BTBD2: variants seen among roughly 807,000 people sequenced by gnomAD.
The protein encoded by BTBD2 is BTB domain containing 2.
A neutral mutation model predicts 44.0 loss-of-function variants in BTBD2; 15 were observed. That is an observed-to-expected ratio of 0.34 (90% confidence interval 0.23 to 0.53). The LOEUF is 0.53. Ranked by LOEUF, BTBD2 falls within the 20% of genes least tolerant of loss-of-function variation. The pLI is 0.95. For synonymous variants in BTBD2, 443 were observed against 335.9 expected (o/e 1.32, Z -3.49); for missense variants, 657 against 746.4 (o/e 0.88, Z 1.39).
At chr19:2,000,829 T>C (rs34101602) in intron 1 of BTBD2, among the ~76,000 whole-genome samples, 29,247 of 152,110 alleles carry the variant, frequency 0.19, 3,153 homozygotes, top group East Asian at 0.31. Context: ...ACCCACGCAC[T>C]GGAACACGAC....
chr19:2,008,740 C>T (rs899335173), intron 1 of BTBD2, among the ~76,000 whole-genome samples: 3 of 151,732 alleles, frequency 2.0e-5, no homozygotes, highest in Admixed American at 6.6e-5. Context: ...CACAGGCACA[C>T]ACCACCATGT....
rs181084230 is a variant in BTBD2, at chr19:2,008,324, G to A, written c.407+6973C>T. ...CACTCTTTTTTTTTTTTTCTAGGTGGAGTCTCGCTGTGTTGCCCAAGCTGG... is the reference window on the plus strand; with the variant it reads ...CACTCTTTTTTTTTTTTTCTAGGTGAAGTCTCGCTGTGTTGCCCAAGCTGG... On this transcript the variant is annotated intron_variant, in intron 1 of 8. Coordinates refer to ENST00000255608, the MANE Select transcript of BTBD2 (RefSeq NM_017797.4). 2.9e-3 allele frequency among the ~76,000 whole-genome samples: 412 copies of A among 143,610 alleles called. 6 individuals are homozygous for A. The highest frequency in any genetic ancestry group is 0.011 in the African/African-American group (397 of 37,772). The allele number at this position is 143,610 out of a possible 152,430, so 94.2% of individuals were successfully genotyped here.
intron 5 of BTBD2, chr19:1,988,515 G>T (rs1156282938): frequency 1.3e-5 from 2 of 152,266 alleles, no homozygotes; most frequent in African/African-American, 4.8e-5. Flanking sequence ...GACCATTATG[G>T]GTTAAGTGAA....
intron 1 of BTBD2, among the ~76,000 whole-genome samples, chr19:2,009,900 T>C (rs560134883): frequency 3.3e-5 from 5 of 151,434 alleles, no homozygotes; most frequent in Non-Finnish European, 7.4e-5. Flanking sequence ...ACGCCTGTAA[T>C]CCCAGCACTT....
chr19:1,999,057 C>G (rs914430451), intron 1 of BTBD2, among the ~76,000 whole-genome samples: 3 of 152,136 alleles, frequency 2.0e-5, no homozygotes, highest in African/African-American at 4.8e-5. Flanking sequence ...CCAGGACTGG[C>G]TGGGCGACCT....
intron 1 of BTBD2, among the ~76,000 whole-genome samples, chr19:2,001,914 T>A (rs1295531788): frequency 1.3e-5 from 2 of 149,560 alleles, no homozygotes; most frequent in East Asian, 4.2e-4. Flanking sequence ...AATTTGTGTA[T>A]TTTTTTAGTA....
At chr19:1,994,556 C>T (rs1012972169) in intron 2 of BTBD2, among the ~76,000 whole-genome samples, 1 of 151,780 alleles carries the variant, frequency 6.6e-6, no homozygotes, top group Non-Finnish European at 1.5e-5. Flanking sequence ...ATCAGGAGAT[C>T]GAGACCATCC....
rs747250218 is a variant in BTBD2, at chr19:1,990,064, G to C, written c.928C>G (p.Leu310Val). The part of the protein sequence containing the change: ...QVTPENRRKV[L>V]GKALGLIRFP... ...CGAATGAGGCCCAGGGCCTTGCCCAGAACCTTCCGCCTGTTCTCTGGCGTC... is the reference window on the plus strand; with the variant it reads ...CGAATGAGGCCCAGGGCCTTGCCCACAACCTTCCGCCTGTTCTCTGGCGTC... Residue 310 changes from leucine (L) to valine (V), a missense_variant, in exon 5 of 9, where the codon CTG becomes GTG. Leu to Val is a conservative substitution (Grantham distance 32, BLOSUM62 1). This residue lies in a region of BTBD2 where 449 missense variants were observed against 510.9 expected (regional missense o/e 0.88). Transcript: ENST00000255608. The C allele has an allele frequency of 4.3e-6, 7 of 1,613,358 alleles. No homozygotes were observed. The Middle Eastern group carries it at 8.2e-4, about 190-fold the overall frequency.
rs563120485 is a variant in BTBD2, at chr19:1,985,996, G to A, written c.*492C>T. 113 of 156,728 alleles carry A rather than the reference G, an allele frequency of 7.2e-4. No individual in the cohort carries two copies. The highest frequency in any genetic ancestry group is 2.5e-3 in the African/African-American group (106 of 41,620). The allele number at this position is 156,728 out of a possible 1,614,324, so 9.7% of individuals were successfully genotyped here. A position where few individuals can be genotyped will look rare whatever the true frequency, so the allele number is the denominator to read the frequency against. ...GTGGCCTCGGGCACGTGACAGGTGGGGCCCGTGTCCTGATAAACGGACAGG... is the reference window on the plus strand; with the variant it reads ...GTGGCCTCGGGCACGTGACAGGTGGAGCCCGTGTCCTGATAAACGGACAGG... On this transcript the variant is annotated 3_prime_UTR_variant, in exon 9 of 9. Coordinates refer to ENST00000255608, the MANE Select transcript of BTBD2 (RefSeq NM_017797.4).
chr19:1,999,120 C>T (rs571689848), intron 1 of BTBD2, among the ~76,000 whole-genome samples: 7 of 152,298 alleles, frequency 4.6e-5, no homozygotes, highest in Non-Finnish European at 1.0e-4. Context: ...TCCTCGCTCT[C>T]CTCCCACCAC....
At chr19:1,988,759 A>G (rs1177366481) in intron 5 of BTBD2, among the ~76,000 whole-genome samples, 1 of 152,062 alleles carries the variant, frequency 6.6e-6, no homozygotes, top group Non-Finnish European at 1.5e-5. Context: ...ATGCGCCACC[A>G]TGCCCAGCTA....
At chr19:1,992,995 C>A in intron 3 of BTBD2, 25 bp downstream of exon 3, 1 of 1,523,620 alleles carries the variant, frequency 6.6e-7, no homozygotes, top group African/African-American at 1.4e-5. Flanking sequence ...TGGCCCCGCC[C>A]CCGCCTCGTA....
At chr19:1,993,603 A>C (rs1443928945) in intron 2 of BTBD2, among the ~76,000 whole-genome samples, 1 of 152,034 alleles carries the variant, frequency 6.6e-6, no homozygotes, top group African/African-American at 2.4e-5. Flanking sequence ...AGAACCCAAC[A>C]CGCTAATTAG....
At chr19:1,999,018 C>T (rs1243715864) in intron 1 of BTBD2, among the ~76,000 whole-genome samples, 1 of 152,146 alleles carries the variant, frequency 6.6e-6, no homozygotes, top group Non-Finnish European at 1.5e-5. Context: ...CGGATGGGAC[C>T]TGCTTCTCAC....
chr19:1,993,317 C>T (rs921576204), intron 2 of BTBD2, 141 bp from the exon 3 acceptor site: 57 of 1,250,158 alleles, frequency 4.6e-5, no homozygotes, highest in Non-Finnish European at 5.8e-5. Flanking sequence ...TCAGGTTCCC[C>T]GAGGAACCTT....
At chr19:1,998,215 C>G (rs1599354045) in intron 1 of BTBD2, among the ~76,000 whole-genome samples, 1 of 152,256 alleles carries the variant, frequency 6.6e-6, no homozygotes, top group African/African-American at 2.4e-5. Context: ...CTCATCAGCA[C>G]AAGCTTTCCC....
At chr19:1,989,581 T>G (rs1174126805) in intron 5 of BTBD2, 1 of 268,462 alleles carries the variant, frequency 3.7e-6, no homozygotes, top group Non-Finnish European at 7.4e-6. Flanking sequence ...CGCTGCCCCT[T>G]CACGTCACCC....
intron 1 of BTBD2, chr19:2,013,806 G>A (rs2016497221): frequency 4.9e-6 from 2 of 411,652 alleles, no homozygotes; most frequent in Non-Finnish European, 6.5e-6. Flanking sequence ...TGGGTCTGGA[G>A]GCAGCAGGGA....
At chr19:1,991,045 G>A (rs529633439) in intron 3 of BTBD2, 139 of 506,414 alleles carry the variant, frequency 2.7e-4, no homozygotes, top group African/African-American at 2.3e-3. Flanking sequence ...TTCCCTCTCA[G>A]GACCTCAGAG....
Sources: allele counts gnomAD v4.1 joint callset (sites outside exome capture counted in the v4.1 genomes callset), GRCh38; gene constraint gnomAD v4.1.1; regional missense constraint gnomAD v4.1.1; transcripts MANE v1.5; gene names NCBI Gene and HGNC (gene_info 2026-07-23, HGNC 2026-07-21).